CACNA2D4: variants seen among roughly 807,000 people sequenced by gnomAD.
The protein encoded by CACNA2D4 is calcium voltage-gated channel auxiliary subunit alpha2delta 4, also known as voltage-dependent calcium channel subunit alpha-2/delta-4.
CACNA2D4 carries 157 observed loss-of-function variants against 163.8 expected under a neutral mutation model. The ratio of observed to expected loss-of-function variants is 0.96; its 90% CI spans 0.84 to 1.09. The LOEUF (loss-of-function observed/expected upper bound fraction) is 1.09, where lower values mean the gene tolerates loss of function less well. CACNA2D4 is among the 50% of genes least tolerant of loss of function. CACNA2D4 has a pLI of 0.00. For synonymous variants in CACNA2D4, 598 were observed against 586.9 expected (o/e 1.02, Z -0.27); for missense variants, 1,410 against 1,479.9 (o/e 0.95, Z 0.78).
At chr12:1,850,300 T>C (rs191945417) in intron 23 of CACNA2D4, among the ~76,000 whole-genome samples, 57 of 152,318 alleles carry the variant, frequency 3.7e-4, no homozygotes, top group African/African-American at 1.3e-3. Flanking sequence ...TAGTTGTCAT[T>C]TGCATTTCAG....
intron 22 of CACNA2D4, among the ~76,000 whole-genome samples, chr12:1,854,339 C>T (rs978280958): frequency 6.6e-6 from 1 of 152,180 alleles, no homozygotes; most frequent in African/African-American, 2.4e-5. Context: ...TCTCCCCCAT[C>T]TCAACTCTTC....
At chr12:1,894,208 CA>C (rs1197028800) in intron 6 of CACNA2D4, among the ~76,000 whole-genome samples, 1 of 152,108 alleles carries the variant, frequency 6.6e-6, no homozygotes, top group Non-Finnish European at 1.5e-5. Context: ...AAAACCTGAA[CA>C]GACCAATAAC....
At chr12:1,896,936 T>C (rs1427399764) in intron 6 of CACNA2D4, among the ~76,000 whole-genome samples, 2 of 152,166 alleles carry the variant, frequency 1.3e-5, no homozygotes, top group Non-Finnish European at 1.5e-5. Flanking sequence ...AGATGTGGTA[T>C]ATACACAGAA....
chr12:1,917,078 G>A lies in CACNA2D4; in HGVS notation c.227+1169C>T, dbSNP rs962238863. On this transcript the variant is annotated intron_variant, in intron 1 of 37. Transcript: ENST00000382722. This position sits in a 1 kb window ranked among gnomAD's most constrained non-coding sequence, Gnocchi z 4.3. ...CTCCTGCAGCAACAGATAGCGTTAC[G>A]GGCTGGCGGCGGGTGTAATGGTGAA... Among the ~76,000 whole-genome samples, 4 of 152,152 alleles carry A rather than the reference G, an allele frequency of 2.6e-5. No individual in the cohort carries two copies. The highest frequency in any genetic ancestry group is 4.4e-5 in the Non-Finnish European group (3 of 68,044).
chr12:1,875,281 G>C lies in CACNA2D4; in HGVS notation c.1776C>G (p.Ser592=), dbSNP rs1453615528. The C allele has an allele frequency of 1.3e-6, 2 of 1,588,006 alleles. No individual in the cohort carries two copies. Among genetic ancestry groups the C allele is most frequent in the East Asian group, 2.3e-5 (1 of 44,114 alleles). The stretch of plus-strand genomic sequence containing the variant: ...CAGCCTGGTCTTCCCACTCCACTTC[G>C]GAGAGATCCACACTGTTGTAGTTAG... ...PKPNYNSVDL[S]EVEWEDQAES... is the part of the protein sequence containing the mutation. The change falls in exon 17 of 38, where the codon TCC becomes TCG. Residue 592 remains serine, a synonymous_variant. Coordinates refer to ENST00000382722, the MANE Select transcript of CACNA2D4 (RefSeq NM_172364.5). This position sits in a 1 kb window ranked among gnomAD's most constrained non-coding sequence, Gnocchi z 4.0.
chr12:1,896,654 C>CACAAAAAAAA (rs1555186444), intron 6 of CACNA2D4, among the ~76,000 whole-genome samples: 2 of 123,902 alleles, frequency 1.6e-5, no homozygotes, highest in Admixed American at 8.1e-5. Flanking sequence ...CACACACACA[C>CACAAAAAAAA]AAAACAGATG....
At chr12:1,904,628 G>A (rs771178319) in intron 6 of CACNA2D4, among the ~76,000 whole-genome samples, 2 of 152,010 alleles carry the variant, frequency 1.3e-5, no homozygotes, top group Non-Finnish European at 2.9e-5. Flanking sequence ...GAGCTGTAAA[G>A]GAGCTGAGTT....
intron 26 of CACNA2D4, among the ~76,000 whole-genome samples, chr12:1,826,575 G>A (rs1356208921): frequency 6.6e-6 from 1 of 152,206 alleles, no homozygotes; most frequent in Non-Finnish European, 1.5e-5. Flanking sequence ...TCCCACATCT[G>A]TGCCCAGTCT....
chr12:1,870,264 G>A (rs548916133), intron 18 of CACNA2D4, among the ~76,000 whole-genome samples: 1 of 152,286 alleles, frequency 6.6e-6, no homozygotes, highest in South Asian at 2.1e-4. Flanking sequence ...GGCTTTCCGT[G>A]TTGCATTCCA....
At chr12:1,870,046 C>G (rs1029619260) in intron 18 of CACNA2D4, among the ~76,000 whole-genome samples, 2 of 152,156 alleles carry the variant, frequency 1.3e-5, no homozygotes, top group Admixed American at 1.3e-4. Context: ...GTGGGTCTGT[C>G]TCAGCTTTGT....
rs552135801 is a variant in CACNA2D4 at position 1,865,376 on chromosome 12, A to G, written c.1879-5170T>C. Among the ~76,000 whole-genome samples, 3 of 152,326 alleles carry G rather than the reference A, an allele frequency of 2.0e-5. No individual in the cohort carries two copies. In the East Asian group the frequency reaches 5.8e-4, roughly 29 times the overall value. On this transcript the variant is annotated intron_variant, in intron 18 of 37. Coordinates refer to ENST00000382722, the MANE Select transcript of CACNA2D4 (RefSeq NM_172364.5). ...GTCTGACAAGTTGTAAACAAAACTC[A>G]TGAGCTGGACGCTGTCACGTGTCGC...
chr12:1,892,742 A>G (rs1403058166), intron 6 of CACNA2D4, among the ~76,000 whole-genome samples: 3 of 152,194 alleles, frequency 2.0e-5, no homozygotes, highest in East Asian at 3.8e-4. Flanking sequence ...GCTGCCTAGA[A>G]GAAACTCATC....
intron 25 of CACNA2D4, among the ~76,000 whole-genome samples, chr12:1,841,166 C>G (rs1471706940): frequency 1.3e-5 from 2 of 152,240 alleles, no homozygotes; most frequent in Non-Finnish European, 2.9e-5. Flanking sequence ...GCAGGAAGGA[C>G]AGGCTGCATT....
chr12:1,875,236 AT>A lies in CACNA2D4; in HGVS notation c.1806+14del. The A allele has an allele frequency of 6.3e-7, 1 of 1,588,544 alleles. No homozygotes were observed. The highest frequency in any genetic ancestry group is 8.6e-7 in the Non-Finnish European group (1 of 1,157,472). ...AGCCTAACTAGCTTCCCTTCCCCCT[AT>A]TTTCCCCACTCACAGATTCAGCCTG... On this transcript the variant is annotated intron_variant, in intron 17 of 37. Transcript: ENST00000382722. The surrounding 1 kb of genome is among the most constrained non-coding windows in gnomAD (Gnocchi z 4.0).
intron 25 of CACNA2D4, 69 bp from the exon 26 acceptor site, chr12:1,840,888 T>A: frequency 7.5e-7 from 1 of 1,329,634 alleles, no homozygotes; most frequent in South Asian, 1.2e-5. Flanking sequence ...GCTACCACTT[T>A]CTTGGAATAG....
In CACNA2D4 at chr12:1,853,940, C is replaced by T. The variant is rs779480579; in HGVS notation, c.2246+11G>A. ...TGGTTGGGGCCTGGGAACCTGGGAA[C>T]CTGGACCTACTCGGACATGTTGAGG... is the stretch of plus-strand genomic sequence containing the variant. On this transcript the variant is annotated intron_variant, in intron 23 of 37. Coordinates refer to ENST00000382722, the MANE Select transcript of CACNA2D4 (RefSeq NM_172364.5). 304 of 1,608,744 alleles carry T rather than the reference C, an allele frequency of 1.9e-4. No homozygotes were observed. The highest frequency in any genetic ancestry group is 7.0e-4 in the South Asian group (63 of 90,506).
intron 6 of CACNA2D4, among the ~76,000 whole-genome samples, chr12:1,896,035 T>A (rs1388732444): frequency 3.3e-5 from 5 of 152,172 alleles, no homozygotes; most frequent in African/African-American, 1.2e-4. Context: ...GATTTCCATA[T>A]GCAGAAGAAT....
intron 18 of CACNA2D4, among the ~76,000 whole-genome samples, chr12:1,861,166 G>A (rs948079895): frequency 6.6e-6 from 1 of 152,200 alleles, no homozygotes; most frequent in Non-Finnish European, 1.5e-5. Flanking sequence ...CTGGAGCGAG[G>A]TGTCAGAAGG....
intron 6 of CACNA2D4, among the ~76,000 whole-genome samples, chr12:1,901,640 T>C (rs1156267152): frequency 6.6e-6 from 1 of 152,018 alleles, no homozygotes; most frequent in African/African-American, 2.4e-5. Flanking sequence ...GATTGAACCA[T>C]GAAGAAATCC....
Sources: allele counts gnomAD v4.1 joint callset (sites outside exome capture counted in the v4.1 genomes callset), GRCh38; gene constraint gnomAD v4.1.1; non-coding constraint Gnocchi (gnomAD v3.1); transcripts MANE v1.5; gene names NCBI Gene and HGNC (gene_info 2026-07-23, HGNC 2026-07-21).